AFF3: variants seen among roughly 807,000 people sequenced by gnomAD.
AFF3 encodes AF4/FMR2 family member 3.
A neutral mutation model predicts 129.7 loss-of-function variants in AFF3; 32 were observed. The ratio of observed to expected loss-of-function variants is 0.25; its 90% confidence interval spans 0.19 to 0.33. The LOEUF (loss-of-function observed/expected upper bound fraction) is 0.33. Ranked by LOEUF, AFF3 falls within the 10% of genes least tolerant of loss-of-function variation. The pLI is 1.00. For synonymous variants in AFF3, 644 were observed against 635.4 expected, an observed-to-expected ratio of 1.01 and a Z score of -0.20; for missense variants, 1,373 against 1,592.0, an observed-to-expected ratio of 0.86 and a Z score of 2.34.
intron 8 of AFF3, among the ~76,000 whole-genome samples, chr2:99,823,004 T>C (rs1253888020): frequency 6.6e-6 from 1 of 152,140 alleles, no homozygotes; most frequent in Non-Finnish European, 1.5e-5. Flanking sequence ...CTGGGCAGTA[T>C]CCTCCTCTTC....
At chr2:99,979,694 G>C (rs1447531022) in intron 7 of AFF3, among the ~76,000 whole-genome samples, 1 of 152,070 alleles carries the variant, frequency 6.6e-6, no homozygotes, top group African/African-American at 2.4e-5. Flanking sequence ...ATGTTGGCCA[G>C]GCTGTCTCAA....
chr2:99,973,770 C>T (rs571841436), intron 7 of AFF3, among the ~76,000 whole-genome samples: 134 of 151,504 alleles, frequency 8.8e-4, no homozygotes, highest in Admixed American at 1.4e-3. Flanking sequence ...CACATTTTGT[C>T]TCTGCAGCTA....
chr2:99,975,551 T>C (rs184844091), intron 7 of AFF3, among the ~76,000 whole-genome samples: 13 of 151,670 alleles, frequency 8.6e-5, no homozygotes, highest in Admixed American at 5.9e-4. Flanking sequence ...ATGAAGAAAA[T>C]TGTTTAGAAA....
intron 7 of AFF3, among the ~76,000 whole-genome samples, chr2:99,882,880 C>T (rs898092746): frequency 6.6e-6 from 1 of 152,184 alleles, no homozygotes; most frequent in African/African-American, 2.4e-5. Context: ...GATGTAAGAA[C>T]AACACTAATT....
chr2:99,894,468 G>A (rs1193468326), intron 7 of AFF3, among the ~76,000 whole-genome samples: 4 of 151,570 alleles, frequency 2.6e-5, no homozygotes, highest in Non-Finnish European at 5.9e-5. Flanking sequence ...TCAGCGTCAG[G>A]AATTTTTTTT....
intron 4 of AFF3, among the ~76,000 whole-genome samples, chr2:100,062,351 GTCTACCA>G (rs1687361973): frequency 6.6e-6 from 1 of 152,136 alleles, no homozygotes; most frequent in Non-Finnish European, 1.5e-5. Flanking sequence ...TTGTTTTACT[GTCTACCA>G]GTAATGAATG....
chr2:99,696,135 T>A (rs1186940676), intron 11 of AFF3, among the ~76,000 whole-genome samples: 3 of 151,972 alleles, frequency 2.0e-5, no homozygotes, highest in Non-Finnish European at 1.5e-5. Context: ...ATTGATTATT[T>A]TTTTTTTTCA....
intron 17 of AFF3, among the ~76,000 whole-genome samples, chr2:99,580,246 C>T (rs1390256924): frequency 6.6e-6 from 1 of 152,106 alleles, no homozygotes; most frequent in Non-Finnish European, 1.5e-5. Flanking sequence ...CATCAGGGGT[C>T]AGCCATCTAT....
At chr2:99,951,889 G>A (rs1308238962) in intron 7 of AFF3, among the ~76,000 whole-genome samples, 3 of 152,148 alleles carry the variant, frequency 2.0e-5, no homozygotes, top group Non-Finnish European at 4.4e-5. Context: ...CAGGTGATCC[G>A]CCTGCCTTGG....
chr2:99,943,372 C>A (rs1675244158), intron 7 of AFF3, among the ~76,000 whole-genome samples: 1 of 152,148 alleles, frequency 6.6e-6, no homozygotes, highest in African/African-American at 2.4e-5. Flanking sequence ...TGATGACATC[C>A]CTAATCTTTT....
chr2:99,665,141 G>A (rs1001146989), intron 12 of AFF3, among the ~76,000 whole-genome samples: 1 of 152,220 alleles, frequency 6.6e-6, no homozygotes, highest in African/African-American at 2.4e-5. Context: ...AAGCCAGATG[G>A]TGCAGGGTAG....
intron 4 of AFF3, among the ~76,000 whole-genome samples, chr2:100,021,610 T>C (rs959177694): frequency 5.9e-5 from 9 of 152,170 alleles, no homozygotes. Flanking sequence ...AAAGAAAGTT[T>C]ATATTTGTTA....
rs1018412555 is a variant in AFF3, at chr2:100,019,489, G to A, written c.54-10557C>T. Among the ~76,000 whole-genome samples, 88 of 152,242 alleles carry A rather than the reference G, an allele frequency of 5.8e-4. 1 individual carries two copies. Among genetic ancestry groups the A allele is most frequent in the Admixed American group, 2.7e-3 (42 of 15,296 alleles). On this transcript the variant is annotated intron_variant, in intron 4 of 24. Coordinates refer to ENST00000672756, the MANE Select transcript of AFF3 (RefSeq NM_001386135.1). ...CAGGCCAACCATCACGGTTCTCCAC[G>A]GAGACAACACAGGTGGAAACCAACA...
chr2:99,647,463 A>T (rs926633328), intron 13 of AFF3, among the ~76,000 whole-genome samples: 4 of 152,306 alleles, frequency 2.6e-5, no homozygotes, highest in Admixed American at 2.0e-4. Flanking sequence ...TGACGGGGAA[A>T]CACACACTGG....
chr2:99,657,551 CG>C (rs1685860346), intron 12 of AFF3, among the ~76,000 whole-genome samples: 1 of 152,170 alleles, frequency 6.6e-6, no homozygotes, highest in South Asian at 2.1e-4. Context: ...CAGGTAACCT[CG>C]GGGATGACAA....
At chr2:100,106,261 T>C (rs1288800330) in intron 2 of AFF3, 3 of 1,174,630 alleles carry the variant, frequency 2.6e-6, no homozygotes, top group Non-Finnish European at 3.2e-6. Flanking sequence ...TCTGAGAAAA[T>C]GAAATTGTTA....
At chr2:100,033,805 T>A (rs755113984) in intron 4 of AFF3, among the ~76,000 whole-genome samples, 1 of 152,156 alleles carries the variant, frequency 6.6e-6, no homozygotes, top group African/African-American at 2.4e-5. Context: ...CACATAACTT[T>A]ATAAGAACCT....
At chr2:100,043,351 T>C (rs957161438) in intron 4 of AFF3, among the ~76,000 whole-genome samples, 3 of 152,184 alleles carry the variant, frequency 2.0e-5, no homozygotes, top group African/African-American at 7.2e-5. Context: ...CTGTTCCCAC[T>C]TGCCTCAGCA....
intron 7 of AFF3, among the ~76,000 whole-genome samples, chr2:99,937,649 G>A (rs529178659): frequency 1.1e-4 from 16 of 152,178 alleles, no homozygotes; most frequent in African/African-American, 3.4e-4. Context: ...CGCCCGCCTC[G>A]GCCTCCCAAA....
Sources: allele counts gnomAD v4.1 joint callset (sites outside exome capture counted in the v4.1 genomes callset), GRCh38; gene constraint gnomAD v4.1.1; transcripts MANE v1.5; gene names NCBI Gene and HGNC (gene_info 2026-07-23, HGNC 2026-07-21).